The following APLF variants were observed in gnomAD, a reference collection of about 807,000 sequenced individuals.
The protein encoded by APLF is aprataxin and PNKP like factor.
APLF carries 61 observed loss-of-function variants against 55.6 expected under a neutral mutation model. That is an observed-to-expected ratio of 1.10 (90% confidence interval 0.89 to 1.36). APLF has a LOEUF of 1.36. Ranked by LOEUF, APLF falls within the 40% of genes most tolerant of loss-of-function variation. The probability of loss-of-function intolerance (pLI) is 0.00; values close to 1 mark genes in which losing one functional copy is unlikely to be tolerated. For synonymous variants in APLF, 207 were observed against 214.8 expected (o/e 0.96, Z 0.32); for missense variants, 611 against 602.5 (o/e 1.01, Z -0.15).
intron 6 of APLF, chr2:68,531,222 A>G (rs879449631): frequency 6.6e-6 from 1 of 152,220 alleles, no homozygotes; most frequent in Non-Finnish European, 1.5e-5. Flanking sequence ...AAAGAGAGAG[A>G]AAGATAGAGA....
intron 2 of APLF, among the ~76,000 whole-genome samples, chr2:68,498,015 C>T (rs1196598574): frequency 1.3e-5 from 2 of 152,130 alleles, no homozygotes; most frequent in Non-Finnish European, 2.9e-5. Context: ...TATTCAGCAG[C>T]TTATTGTAGC....
chr2:68,481,630 A>G (rs1325555738), intron 1 of APLF, among the ~76,000 whole-genome samples: 2 of 152,162 alleles, frequency 1.3e-5, no homozygotes, highest in African/African-American at 2.4e-5. Flanking sequence ...CGCTTCCTGC[A>G]TCTGGATATC....
At chr2:68,493,260 A>G (rs1345480496) in intron 2 of APLF, among the ~76,000 whole-genome samples, 1 of 152,176 alleles carries the variant, frequency 6.6e-6, no homozygotes, top group African/African-American at 2.4e-5. Context: ...GGCCAGGGCT[A>G]GCATTGCGTA....
chr2:68,511,025 T>A (rs1002203839), intron 3 of APLF, among the ~76,000 whole-genome samples: 2 of 151,754 alleles, frequency 1.3e-5, no homozygotes, highest in Non-Finnish European at 2.9e-5. Flanking sequence ...GAAGAGGCAA[T>A]AGGAAGAGAT....
chr2:68,490,245 A>C lies in APLF; in HGVS notation c.152A>C (p.Gln51Pro), dbSNP rs1676316963. 1 of 1,612,578 alleles carries C rather than the reference A, an allele frequency of 6.2e-7. No homozygotes were observed. The highest frequency in any genetic ancestry group is 2.2e-5 in the East Asian group (1 of 44,788). The change falls in exon 2 of 10, where the codon CAG becomes CCG. Residue 51 changes from glutamine (Q) to proline (P), a missense_variant. By Grantham distance (76) the Gln-to-Pro change is moderately conservative. Transcript: ENST00000303795. Reference protein sequence around the residue: ...RHAILEVAGGQLRIKPIHTNP... With the variant: ...RHAILEVAGGPLRIKPIHTNP... ...GCCATTCTTGAGGTGGCAGGTGGTC[A>C]GCTGCGAATCAAACCGGTAAATATG...
chr2:68,516,434 T>TTA (rs991148332), intron 5 of APLF, among the ~76,000 whole-genome samples: 10 of 151,396 alleles, frequency 6.6e-5, no homozygotes, highest in Non-Finnish European at 1.3e-4. Context: ...ATCATCACTA[T>TTA]TATATATATA....
chr2:68,530,034 C>T (rs373943320), intron 6 of APLF, among the ~76,000 whole-genome samples: 1 of 152,200 alleles, frequency 6.6e-6, no homozygotes, highest in Non-Finnish European at 1.5e-5. Context: ...AAAGAGAGGA[C>T]GCGGTGCCCT....
intron 1 of APLF, among the ~76,000 whole-genome samples, chr2:68,472,933 G>C (rs563690755): frequency 1.3e-5 from 2 of 152,196 alleles, no homozygotes; most frequent in Non-Finnish European, 2.9e-5. Flanking sequence ...TATACTCTCT[G>C]CCCTCTTACA....
At position 68,537,928 on chromosome 2, in the gene APLF, TAA is replaced by T. The variant is rs756584480; in HGVS notation, c.862_863del (p.Lys288AspfsTer2). 3.1e-6 allele frequency: 5 copies of T among 1,612,118 alleles called. No individual in the cohort carries two copies. The African/African-American group carries it at 6.7e-5, about 22-fold the overall frequency. On this transcript the variant is annotated frameshift_variant, in exon 7 of 10. Transcript: ENST00000303795. LOFTEE classifies it high-confidence loss of function. Reference sequence around the variant, plus strand: ...TAAGTAACACAGAGATGAATAATATTAAGACTAATGCACAGAGAAACAAACTT... The same window carrying T: ...TAAGTAACACAGAGATGAATAATATTGACTAATGCACAGAGAAACAAACTT... ...TLSNTEMNNI[K>X]TNAQRNKLPI... is the part of the protein sequence containing the mutation.
rs545805476 is a variant in APLF, at chr2:68,473,978, G to A, written c.96+6151G>A. Among the ~76,000 whole-genome samples the A allele has an allele frequency of 3.9e-5, 6 of 152,316 alleles. 1 individual carries two copies. Among genetic ancestry groups the A allele is most frequent in the African/African-American group, 1.4e-4 (6 of 41,564 alleles). On this transcript the variant is annotated intron_variant, in intron 1 of 9. Transcript: ENST00000303795. The stretch of plus-strand genomic sequence containing the variant: ...TTCTGATGGCAATTGCAAGCCCCAA[G>A]TTGTTTTACCTGTGCTTCTGAACCA...
chr2:68,514,263 A>G lies in APLF; in HGVS notation c.622+583A>G, dbSNP rs1301817707. On this transcript the variant is annotated intron_variant, in intron 5 of 9. Coordinates refer to ENST00000303795, the MANE Select transcript of APLF (RefSeq NM_173545.3). ...AATAGCTGCGTTAAAGTCTGCATCT[A>G]CGTACAACTTTGCCATTTCAGACTT... 7.9e-5 allele frequency among the ~76,000 whole-genome samples: 12 copies of G among 151,884 alleles called. No individual in the cohort carries two copies. In the East Asian group the frequency reaches 2.3e-3, roughly 29 times the overall value.
chr2:68,570,309 A>G (rs1409139172), intron 9 of APLF, among the ~76,000 whole-genome samples: 1 of 150,474 alleles, frequency 6.6e-6, no homozygotes, highest in South Asian at 2.1e-4. Flanking sequence ...TATTTTTATT[A>G]TGCTTTAAGT....
intron 5 of APLF, among the ~76,000 whole-genome samples, chr2:68,519,064 A>T (rs1403806198): frequency 7.8e-6 from 1 of 127,698 alleles, no homozygotes; most frequent in Non-Finnish European, 1.6e-5. Flanking sequence ...TATAATTAAT[A>T]TATAATAATA....
In APLF at chr2:68,529,170, G is replaced by C; in HGVS notation, c.804+2928G>C. 1 of 1,293,008 alleles carries C rather than the reference G, an allele frequency of 7.7e-7. No individual in the cohort carries two copies. The highest frequency in any genetic ancestry group is 1.1e-6 in the Non-Finnish European group (1 of 945,576). 80.1% of individuals were successfully genotyped at this position (1,293,008 alleles called of 1,614,324 possible). On this transcript the variant is annotated intron_variant, in intron 6 of 9. Transcript: ENST00000303795. This position sits in a 1 kb window ranked among gnomAD's most constrained non-coding sequence, Gnocchi z 4.4. Reference sequence around the variant, plus strand: ...AGCACGGGTTTCTTCCTTGAGGGGGGGCTCCAGACAACAGGAGGCAGGACC... The same window carrying C: ...AGCACGGGTTTCTTCCTTGAGGGGGCGCTCCAGACAACAGGAGGCAGGACC...
intron 8 of APLF, among the ~76,000 whole-genome samples, chr2:68,561,733 C>T (rs113404014): frequency 0.025 from 3,848 of 152,090 alleles, 62 homozygotes; most frequent in South Asian, 0.042. Context: ...GCGATTTCAG[C>T]ACATTGACAG....
chr2:68,557,358 T>C (rs1671045141), intron 8 of APLF, among the ~76,000 whole-genome samples: 1 of 152,190 alleles, frequency 6.6e-6, no homozygotes, highest in Non-Finnish European at 1.5e-5. Flanking sequence ...AACTACATTT[T>C]CAGTCTGCAG....
intron 1 of APLF, among the ~76,000 whole-genome samples, chr2:68,469,172 C>T (rs1675538531): frequency 6.6e-6 from 1 of 152,102 alleles, no homozygotes; most frequent in Admixed American, 6.5e-5. Context: ...TTGGCCTATA[C>T]AAACACTGGA....
chr2:68,530,286 TA>T (rs1303172315), intron 6 of APLF, among the ~76,000 whole-genome samples: 1 of 152,222 alleles, frequency 6.6e-6, no homozygotes, highest in Non-Finnish European at 1.5e-5. Flanking sequence ...GGCATATCTG[TA>T]ATAAGCACAT....
chr2:68,488,050 G>A lies in APLF; in HGVS notation c.97-2140G>A, dbSNP rs192565031. 1.8e-3 allele frequency among the ~76,000 whole-genome samples: 279 copies of A among 152,220 alleles called. No individual in the cohort carries two copies. The Middle Eastern group carries it at 0.031, about 17-fold the overall frequency. ...TCAAAGAAAGACAGAGATAGGAAAA[G>A]TTCATGTATTGCTTCCTGAAAAAAT... On this transcript the variant is annotated intron_variant, in intron 1 of 9. Coordinates refer to ENST00000303795, the MANE Select transcript of APLF (RefSeq NM_173545.3).
Sources: gnomAD v4.1 joint callset for allele counts (sites outside exome capture counted in the v4.1 genomes callset) on GRCh38, gnomAD v4.1.1 for gene constraint, Gnocchi (gnomAD v3.1) non-coding constraint, MANE v1.5 for transcripts, NCBI Gene and HGNC (gene_info 2026-07-23, HGNC 2026-07-21) for gene names.